The following AKIP1 variants were observed in gnomAD, a reference collection of about 807,000 sequenced individuals.
The protein encoded by AKIP1 is A-kinase interacting protein 1, also known as A-kinase-interacting protein 1.
In AKIP1, 18 loss-of-function variants were observed where a neutral mutation model predicts 22.3. The ratio of observed to expected loss-of-function variants is 0.81; its 90% confidence interval spans 0.56 to 1.19. The LOEUF (loss-of-function observed/expected upper bound fraction) is 1.19. Among genes scored for constraint, AKIP1 ranks in the 50% most tolerant of loss-of-function variants. AKIP1 has a pLI of 0.00. For synonymous variants in AKIP1, 120 were observed against 102.7 expected (o/e 1.17, Z -1.02); for missense variants, 287 against 264.6 (o/e 1.08, Z -0.59).
rs897113332 is a variant in AKIP1, at chr11:8,911,213, G to A, written c.-17G>A. ...TAGCGTTGCGCGCATGCGCCTTGAC[G>A]AGTGAGCCGGGTGAGGGGGCTCCCT... On this transcript the variant is annotated 5_prime_UTR_variant, in exon 1 of 6. Coordinates refer to ENST00000309377, the MANE Select transcript of AKIP1 (RefSeq NM_020642.4). The A allele has an allele frequency of 1.8e-6, 1 of 542,016 alleles. No individual in the cohort carries two copies. Among genetic ancestry groups the A allele is most frequent in the East Asian group, 3.0e-5 (1 of 32,952 alleles). 33.6% of individuals were successfully genotyped at this position (542,016 alleles called of 1,614,324 possible). A position where few individuals can be genotyped will look rare whatever the true frequency, so the allele number is the denominator to read the frequency against.
At chr11:8,912,405 A>G in intron 2 of AKIP1, 48 bp from the exon 3 acceptor site, 1 of 1,507,220 alleles carries the variant, frequency 6.6e-7, no homozygotes, top group Non-Finnish European at 9.2e-7. Flanking sequence ...TTCATTCTCC[A>G]GTAGGGAATC....
intron 2 of AKIP1, among the ~76,000 whole-genome samples, chr11:8,911,957 G>T (rs947699755): frequency 7.9e-5 from 12 of 151,946 alleles, no homozygotes; most frequent in Admixed American, 6.6e-5. Flanking sequence ...CAGCACTTTG[G>T]GAGGCCGAGG....
intron 4 of AKIP1, among the ~76,000 whole-genome samples, chr11:8,916,923 G>A (rs1000418936): frequency 2.0e-5 from 3 of 152,186 alleles, no homozygotes; most frequent in Non-Finnish European, 4.4e-5. Flanking sequence ...GCACAGAAGA[G>A]AATGTATTGA....
In AKIP1 at chr11:8,919,824, A is replaced by C. The variant is rs958241455; in HGVS notation, c.*344A>C. ...GCTATTTTTTTTGTATTTTTAGTAGAGACGGGGTTTCACCATGTTGGCCAG... is the reference window on the plus strand; with the variant it reads ...GCTATTTTTTTTGTATTTTTAGTAGCGACGGGGTTTCACCATGTTGGCCAG... On this transcript the variant is annotated 3_prime_UTR_variant, in exon 6 of 6. Transcript: ENST00000309377. 2.0e-5 allele frequency: 4 copies of C among 202,946 alleles called. No homozygotes were observed. The highest frequency in any genetic ancestry group is 9.4e-5 in the African/African-American group (4 of 42,574). 12.6% of individuals were successfully genotyped at this position (202,946 alleles called of 1,614,324 possible). A position where few individuals can be genotyped will look rare whatever the true frequency, so the allele number is the denominator to read the frequency against.
chr11:8,919,570 T>C lies in AKIP1; in HGVS notation c.*90T>C. 7.1e-7 allele frequency: 1 copy of C among 1,405,000 alleles called. No individual in the cohort carries two copies. The highest frequency in any genetic ancestry group is 2.1e-5 in the Admixed American group (1 of 48,530). The allele number at this position is 1,405,000 out of a possible 1,614,324, so 87.0% of individuals were successfully genotyped here. ...TCTCTTAATAGCTATACATTAATCC[T>C]GTTTTTAGTGCTGACTGGGTCAGCC... On this transcript the variant is annotated 3_prime_UTR_variant, in exon 6 of 6. Transcript: ENST00000309377.
intron 3 of AKIP1, among the ~76,000 whole-genome samples, chr11:8,912,961 C>T (rs1481163324): frequency 7.4e-6 from 1 of 135,780 alleles, no homozygotes; most frequent in African/African-American, 2.7e-5. Context: ...TGCAAGCTCT[C>T]CCTCCTGGGT....
chr11:8,911,944 T>C, intron 2 of AKIP1, among the ~76,000 whole-genome samples: 1 of 149,934 alleles, frequency 6.7e-6, no homozygotes, highest in East Asian at 2.0e-4. Flanking sequence ...ATGCCTGCAA[T>C]CCCAGCACTT....
At position 8,914,916 on chromosome 11, in the gene AKIP1, A is replaced by G. The variant is rs780630443; in HGVS notation, c.394A>G (p.Ile132Val). Residue 132 changes from isoleucine (I) to valine (V), a missense_variant, in exon 4 of 6, where the codon ATA (isoleucine) becomes GTA (valine). Physicochemically the swap from Ile to Val is conservative, Grantham distance 29. Coordinates refer to ENST00000309377, the MANE Select transcript of AKIP1 (RefSeq NM_020642.4). ...GESKLHMCLD[I>V]GNGQRKDRKK... ...GTCGAAGCTGCACATGTGCTTGGACATAGGGAATGGTCAGGTAAGTGTACT... is the reference window on the plus strand; with the variant it reads ...GTCGAAGCTGCACATGTGCTTGGACGTAGGGAATGGTCAGGTAAGTGTACT... The G allele has an allele frequency of 6.2e-7, 1 of 1,613,694 alleles. No homozygotes were observed. Among genetic ancestry groups the G allele is most frequent in the South Asian group, 1.1e-5 (1 of 91,066 alleles).
intron 4 of AKIP1, among the ~76,000 whole-genome samples, chr11:8,916,823 T>C (rs2064493045): frequency 1.3e-5 from 2 of 152,072 alleles, no homozygotes; most frequent in African/African-American, 4.8e-5. Context: ...CGTTCCCATC[T>C]CTCCCTTTAA....
In AKIP1 at chr11:8,914,891, G is replaced by C. The variant is rs530376117; in HGVS notation, c.369G>C (p.Glu123Asp). ...ATHVYRYHRG[E>D]SKLHMCLDIG... ...ATGTCTATCGTTATCACAGAGGCGAGTCGAAGCTGCACATGTGCTTGGACA... is the reference window on the plus strand; with the variant it reads ...ATGTCTATCGTTATCACAGAGGCGACTCGAAGCTGCACATGTGCTTGGACA... The change falls in exon 4 of 6, where the codon GAG becomes GAC. Residue 123 changes from glutamate to aspartate, a missense_variant. By Grantham distance (45) the Glu-to-Asp change is conservative. Transcript: ENST00000309377. 1.2e-6 allele frequency: 2 copies of C among 1,613,884 alleles called. No individual in the cohort carries two copies. Among genetic ancestry groups the C allele is most frequent in the Non-Finnish European group, 1.7e-6 (2 of 1,180,008 alleles).
intron 4 of AKIP1, 42 bp downstream of exon 4, chr11:8,914,972 C>A: frequency 2.1e-6 from 3 of 1,449,762 alleles, no homozygotes; most frequent in Non-Finnish European, 2.9e-6. Context: ...TTCAGTCTAC[C>A]AAGATATGAC....
At chr11:8,914,162 C>G (rs1422125010) in intron 3 of AKIP1, among the ~76,000 whole-genome samples, 2 of 152,148 alleles carry the variant, frequency 1.3e-5, no homozygotes, top group African/African-American at 4.8e-5. Flanking sequence ...GTGTGCCTAC[C>G]CTGTTCAAAA....
At position 8,912,477 on chromosome 11, in the gene AKIP1, A is replaced by G; in HGVS notation, c.247A>G (p.Ser83Gly). The G allele has an allele frequency of 6.2e-7, 1 of 1,614,098 alleles. No homozygotes were observed. Among genetic ancestry groups the G allele is most frequent in the Non-Finnish European group, 8.5e-7 (1 of 1,179,940 alleles). ...GAGAGAAGAGAGACCCCCAACCCTT[A>G]GTGCTTCCTTCAGAACAATGGCTGA... ...GEREERPPTL[S>G]ASFRTMAEFM... The change falls in exon 3 of 6, where the codon AGT (serine) becomes GGT (glycine). Residue 83 changes from serine (S) to glycine (G), a missense_variant. Ser to Gly is a moderately conservative substitution (Grantham distance 56). Coordinates refer to ENST00000309377, the MANE Select transcript of AKIP1 (RefSeq NM_020642.4).
chr11:8,911,281 C>T, intron 1 of AKIP1, 58 bp downstream of exon 1: 1 of 624,424 alleles, frequency 1.6e-6, no homozygotes, highest in Non-Finnish European at 2.8e-6. Flanking sequence ...GGCGGGCGCG[C>T]TAGGCCTAGT....
chr11:8,916,847 T>TTTTTA (rs1253285163), intron 4 of AKIP1, among the ~76,000 whole-genome samples: 4 of 152,146 alleles, frequency 2.6e-5, no homozygotes, highest in African/African-American at 9.7e-5. Context: ...GTAAGTTCCC[T>TTTTTA]CTAAGGGAAA....
intron 3 of AKIP1, among the ~76,000 whole-genome samples, chr11:8,914,384 G>A (rs546464481): frequency 6.6e-6 from 1 of 152,154 alleles, no homozygotes; most frequent in Non-Finnish European, 1.5e-5. Flanking sequence ...TTCATTTCCT[G>A]CTGTGTTTCT....
At chr11:8,919,292 G>A (rs2134822990) in intron 5 of AKIP1, 45 bp from the exon 6 acceptor site, 1 of 1,582,876 alleles carries the variant, frequency 6.3e-7, no homozygotes, top group South Asian at 1.2e-5. Flanking sequence ...TGGTGGCACT[G>A]GGGTATAAAA....
intron 2 of AKIP1, 80 bp from the exon 3 acceptor site, chr11:8,912,373 A>G: frequency 8.8e-7 from 1 of 1,137,384 alleles, no homozygotes; most frequent in Non-Finnish European, 1.3e-6. Flanking sequence ...AAAAGTAAAA[A>G]GGAGACTATT....
chr11:8,920,032 C>T lies in AKIP1; in HGVS notation c.*552C>T, dbSNP rs1008992823. ...CTGTCTGAACAGGTTTTACTGCTTG[C>T]TTTCCAAGTAAAGGTTAATTATGAT... On this transcript the variant is annotated 3_prime_UTR_variant, in exon 6 of 6. Transcript: ENST00000309377. 3 of 175,496 alleles carry T rather than the reference C, an allele frequency of 1.7e-5. No homozygotes were observed. The highest frequency in any genetic ancestry group is 1.2e-4 in the Admixed American group (2 of 16,018). The allele number at this position is 175,496 out of a possible 1,614,324, so 10.9% of individuals were successfully genotyped here. A position where few individuals can be genotyped will look rare whatever the true frequency, so the allele number is the denominator to read the frequency against.
Sources: gnomAD v4.1 joint callset for allele counts (sites outside exome capture counted in the v4.1 genomes callset) on GRCh38, gnomAD v4.1.1 for gene constraint, MANE v1.5 for transcripts, NCBI Gene and HGNC (gene_info 2026-07-23, HGNC 2026-07-21) for gene names.